The following LRP1B variants were observed in gnomAD, a reference collection of about 807,000 sequenced individuals.
LRP1B encodes LDL receptor related protein 1B.
Under a neutral mutation model 556.6 loss-of-function variants are expected in LRP1B, and 217 were observed. That is an observed-to-expected ratio of 0.39 (90% CI 0.35 to 0.44). LRP1B has a LOEUF of 0.44. LRP1B is among the 20% of genes least tolerant of loss of function. The pLI, the probability that LRP1B is intolerant of heterozygous loss-of-function variation, is 1.00. For missense variants in LRP1B, 5,053 were observed against 5,620.8 expected, an observed-to-expected ratio of 0.90 and a Z score of 3.23; for synonymous variants, 2,047 against 1,865.8, an observed-to-expected ratio of 1.10 and a Z score of -2.50.
intron 18 of LRP1B, among the ~76,000 whole-genome samples, chr2:140,957,764 T>C (rs1695917622): frequency 6.6e-6 from 1 of 151,418 alleles, no homozygotes; most frequent in Non-Finnish European, 1.5e-5. Flanking sequence ...TGCCTGGGTT[T>C]TAATGTCAAT....
chr2:140,238,110 A>G (rs1021058094), intron 89 of LRP1B, 42 bp downstream of exon 89: 1 of 1,519,730 alleles, frequency 6.6e-7, no homozygotes, highest in Non-Finnish European at 8.9e-7. Context: ...ATGCGACTCA[A>G]GAATGTTAGT....
chr2:141,228,479 T>C (rs1009586619), intron 6 of LRP1B, among the ~76,000 whole-genome samples: 2 of 150,888 alleles, frequency 1.3e-5, no homozygotes, highest in African/African-American at 4.9e-5. Flanking sequence ...TGTGCATCTC[T>C]GGGTGTGTGT....
chr2:141,058,213 A>AG (rs1699236513), intron 9 of LRP1B, among the ~76,000 whole-genome samples: 4 of 151,880 alleles, frequency 2.6e-5, no homozygotes, highest in Non-Finnish European at 4.4e-5. Flanking sequence ...TATTTGTGAC[A>AG]ATGTACAGCC....
At chr2:141,405,729 A>C (rs996006489) in intron 3 of LRP1B, among the ~76,000 whole-genome samples, 10 of 152,176 alleles carry the variant, frequency 6.6e-5, no homozygotes, top group African/African-American at 2.4e-4. Flanking sequence ...AAAGTATAGA[A>C]TATAAGTATA....
At chr2:141,492,628 T>C (rs188630860) in intron 2 of LRP1B, among the ~76,000 whole-genome samples, 2 of 152,192 alleles carry the variant, frequency 1.3e-5, no homozygotes, top group African/African-American at 4.8e-5. Context: ...AGCATAAAAG[T>C]AGTATTATAG....
chr2:140,675,028 G>A (rs770920196), intron 41 of LRP1B, among the ~76,000 whole-genome samples: 2 of 152,170 alleles, frequency 1.3e-5, no homozygotes, highest in African/African-American at 4.8e-5. Flanking sequence ...GAGGCTGATG[G>A]TATTATTTGG....
intron 1 of LRP1B, among the ~76,000 whole-genome samples, chr2:142,008,524 T>G (rs1318102983): frequency 6.6e-6 from 1 of 152,050 alleles, no homozygotes; most frequent in Non-Finnish European, 1.5e-5. Flanking sequence ...GTGACTTTTT[T>G]TTTTTTTTTA....
intron 2 of LRP1B, among the ~76,000 whole-genome samples, chr2:141,699,724 A>G (rs1185542924): frequency 2.0e-5 from 3 of 151,220 alleles, no homozygotes; most frequent in East Asian, 3.9e-4. Context: ...TATGTACACA[A>G]TAGTGTCAGG....
At chr2:140,824,115 G>A in intron 31 of LRP1B, among the ~76,000 whole-genome samples, 2 of 97,978 alleles carry the variant, frequency 2.0e-5, no homozygotes. Flanking sequence ...AATAGCAAAA[G>A]GAATTTAAAA....
chr2:140,791,401 C>A (rs1164797174), intron 32 of LRP1B, among the ~76,000 whole-genome samples: 1 of 151,780 alleles, frequency 6.6e-6, no homozygotes, highest in Non-Finnish European at 1.5e-5. Flanking sequence ...TGCACTCTAG[C>A]CTGGGTGACA....
intron 20 of LRP1B, among the ~76,000 whole-genome samples, chr2:140,927,619 C>T (rs1694924855): frequency 6.6e-6 from 1 of 150,478 alleles, no homozygotes; most frequent in Non-Finnish European, 1.5e-5. Flanking sequence ...TTATTTTATG[C>T]TATTATAAGA....
At chr2:141,000,501 C>G (rs1697385875) in intron 15 of LRP1B, among the ~76,000 whole-genome samples, 1 of 152,044 alleles carries the variant, frequency 6.6e-6, no homozygotes, top group Non-Finnish European at 1.5e-5. Flanking sequence ...TTAGATGTGT[C>G]TATTACAAGT....
chr2:141,428,227 T>G, intron 3 of LRP1B, among the ~76,000 whole-genome samples: 1 of 152,196 alleles, frequency 6.6e-6, no homozygotes, highest in East Asian at 1.9e-4. Context: ...TTTATAGCTT[T>G]CTGATTGAAT....
chr2:140,497,278 T>C (rs888239818), intron 55 of LRP1B, among the ~76,000 whole-genome samples: 4 of 151,852 alleles, frequency 2.6e-5, no homozygotes, highest in African/African-American at 9.7e-5. Flanking sequence ...AGCAATCCAG[T>C]GGATTAAAAT....
chr2:140,361,341 CAT>C (rs67208978), intron 72 of LRP1B, among the ~76,000 whole-genome samples: 575 of 30,686 alleles, frequency 0.019, 13 homozygotes, highest in Admixed American at 0.032. Flanking sequence ...ACTTGGAAAG[CAT>C]ATATATATAT....
intron 2 of LRP1B, among the ~76,000 whole-genome samples, chr2:141,621,087 G>T (rs1688491917): frequency 1.3e-5 from 2 of 152,114 alleles, no homozygotes; most frequent in Admixed American, 1.3e-4. Context: ...TGTTAAGATT[G>T]TCTCTATAGT....
intron 18 of LRP1B, among the ~76,000 whole-genome samples, chr2:140,955,346 A>G (rs1695841700): frequency 6.6e-6 from 1 of 151,868 alleles, no homozygotes; most frequent in African/African-American, 2.4e-5. Flanking sequence ...TGCTCTGTTA[A>G]AATGTCATTA....
intron 21 of LRP1B, among the ~76,000 whole-genome samples, chr2:140,921,269 C>T (rs903644428): frequency 3.3e-5 from 5 of 151,858 alleles, no homozygotes; most frequent in Admixed American, 2.0e-4. Flanking sequence ...GCTTTAACAG[C>T]ATATTCAAGT....
chr2:141,369,637 C>T (rs942502286), intron 3 of LRP1B, among the ~76,000 whole-genome samples: 3 of 152,056 alleles, frequency 2.0e-5, no homozygotes, highest in Non-Finnish European at 4.4e-5. Context: ...TATAAGCAAT[C>T]TACAATCTGT....
Sources: allele counts gnomAD v4.1 joint callset (sites outside exome capture counted in the v4.1 genomes callset), GRCh38; gene constraint gnomAD v4.1.1; transcripts MANE v1.5; gene names NCBI Gene and HGNC (gene_info 2026-07-23, HGNC 2026-07-21).